FAT3: variants seen among roughly 807,000 people sequenced by gnomAD.
FAT3 encodes the protein FAT atypical cadherin 3.
Under a neutral mutation model 310.2 loss-of-function variants are expected in FAT3, and 95 were observed. The ratio of observed to expected loss-of-function variants is 0.31; its 90% confidence interval spans 0.26 to 0.36. The LOEUF is 0.36. FAT3 is among the 10% of genes least tolerant of loss of function. The pLI is 1.00. For synonymous variants in FAT3, 2,314 were observed against 2,192.9 expected (o/e 1.06, Z -1.54); for missense variants, 5,408 against 5,715.6 (o/e 0.95, Z 1.74).
intron 19 of FAT3, among the ~76,000 whole-genome samples, chr11:92,854,561 G>A (rs1948921039): frequency 6.6e-6 from 1 of 152,170 alleles, no homozygotes; most frequent in Admixed American, 6.5e-5. Flanking sequence ...TAAAAGAAAG[G>A]GCCAAAACAT....
At chr11:92,395,531 G>A (rs1039730651) in intron 2 of FAT3, among the ~76,000 whole-genome samples, 1 of 151,458 alleles carries the variant, frequency 6.6e-6, no homozygotes, top group Non-Finnish European at 1.5e-5. Flanking sequence ...TTTTTTGCAT[G>A]CCTTCTTTTT....
At chr11:92,268,494 G>T (rs564431439) in intron 1 of FAT3, among the ~76,000 whole-genome samples, 1 of 150,868 alleles carries the variant, frequency 6.6e-6, no homozygotes, top group African/African-American at 2.4e-5. Context: ...ATTTTTAAAA[G>T]ATAAAAATAA....
chr11:92,666,217 T>C (rs1942944067), intron 3 of FAT3, among the ~76,000 whole-genome samples: 2 of 152,148 alleles, frequency 1.3e-5, no homozygotes, highest in South Asian at 4.1e-4. Flanking sequence ...ACATCAAGCT[T>C]GAGAGGAGTC....
chr11:92,448,524 G>A (rs1427319089), intron 2 of FAT3, among the ~76,000 whole-genome samples: 1 of 152,118 alleles, frequency 6.6e-6, no homozygotes, highest in African/African-American at 2.4e-5. Context: ...ATTATAATAA[G>A]CATGGGTTAG....
chr11:92,888,429 T>A (rs1949843896), intron 25 of FAT3, among the ~76,000 whole-genome samples: 1 of 152,184 alleles, frequency 6.6e-6, no homozygotes, highest in African/African-American at 2.4e-5. Context: ...TCTCATGGGC[T>A]CTGCTGTGTG....
chr11:92,336,452 C>T (rs956197463), intron 1 of FAT3: 10 of 306,890 alleles, frequency 3.3e-5, no homozygotes, highest in Non-Finnish European at 5.1e-5. Flanking sequence ...TCACCACTGC[C>T]GCCAAAAGAC....
chr11:92,408,628 G>A (rs1227103242), intron 2 of FAT3, among the ~76,000 whole-genome samples: 4 of 152,302 alleles, frequency 2.6e-5, no homozygotes, highest in East Asian at 1.9e-4. Flanking sequence ...TGTTCAGGCT[G>A]GGTTCCAGGT....
chr11:92,866,493 G>A (rs949459102), intron 21 of FAT3, among the ~76,000 whole-genome samples: 2 of 152,098 alleles, frequency 1.3e-5, no homozygotes, highest in African/African-American at 2.4e-5. Flanking sequence ...ATATAATTGT[G>A]GATATATGAA....
At chr11:92,685,761 T>C (rs926875150) in intron 3 of FAT3, among the ~76,000 whole-genome samples, 5 of 152,012 alleles carry the variant, frequency 3.3e-5, no homozygotes, top group Non-Finnish European at 7.4e-5. Context: ...AAAAATATGG[T>C]TGCCCTGGAG....
intron 3 of FAT3, among the ~76,000 whole-genome samples, chr11:92,638,401 C>A (rs755323635): frequency 2.6e-5 from 4 of 152,146 alleles, no homozygotes; most frequent in African/African-American, 4.8e-5. Context: ...GCTAAGATCT[C>A]CAGTGTATTC....
Position 92,892,140 on chromosome 11 carries a change from A to G in FAT3, c.*1027A>G, listed in dbSNP as rs1949929141. 6.6e-6 allele frequency: 1 copy of G among 152,186 alleles called. No homozygotes were observed. Among genetic ancestry groups the G allele is most frequent in the African/African-American group, 2.4e-5 (1 of 41,442 alleles). 9.4% of individuals were successfully genotyped at this position (152,186 alleles called of 1,614,324 possible). ...TTATAAATACAATTATGTTAAGAAA[A>G]GAGGAAAGTAGACTAGTTATTGTGT... On this transcript the variant is annotated 3_prime_UTR_variant, in exon 28 of 28. Coordinates refer to ENST00000525166, the MANE Select transcript of FAT3 (RefSeq NM_001367949.2).
intron 1 of FAT3, among the ~76,000 whole-genome samples, chr11:92,230,200 C>G (rs1189239578): frequency 6.6e-6 from 1 of 151,656 alleles, no homozygotes; most frequent in Non-Finnish European, 1.5e-5. Flanking sequence ...AAATATATCC[C>G]TTTTTAAAAT....
At chr11:92,635,010 T>G (rs1207451773) in intron 3 of FAT3, among the ~76,000 whole-genome samples, 1 of 152,086 alleles carries the variant, frequency 6.6e-6, no homozygotes, top group Non-Finnish European at 1.5e-5. Flanking sequence ...AGAGAGCCCT[T>G]ATTAGAAACT....
At chr11:92,450,924 G>T (rs991524484) in intron 2 of FAT3, among the ~76,000 whole-genome samples, 5 of 152,132 alleles carry the variant, frequency 3.3e-5, no homozygotes, top group African/African-American at 1.2e-4. Flanking sequence ...TAGAAATCAA[G>T]AAGTTTTAAA....
rs762824037 is a variant in FAT3 at position 92,800,435 on chromosome 11, G to C, written c.7422G>C (p.Gly2474=). ...GTCTCAATGTGTCTGTCTCTGATGG[G>C]TTGTTCACCAGCACTGCACAGGTGC... ...LYSLNVSVSD[G]LFTSTAQVHI... Residue 2474 remains glycine (G), a synonymous_variant, in exon 10 of 28, where the codon GGG becomes GGC. Transcript: ENST00000525166. 4 of 1,613,890 alleles carry C rather than the reference G, an allele frequency of 2.5e-6. No individual in the cohort carries two copies. Among genetic ancestry groups the C allele is most frequent in the Non-Finnish European group, 2.5e-6 (3 of 1,179,888 alleles).
At chr11:92,598,203 T>C (rs1055401068) in intron 3 of FAT3, among the ~76,000 whole-genome samples, 2 of 130,964 alleles carry the variant, frequency 1.5e-5, no homozygotes, top group South Asian at 4.6e-4. Flanking sequence ...TGTATATAAA[T>C]ATATATGTAT....
At chr11:92,235,768 T>C (rs772132797) in intron 1 of FAT3, among the ~76,000 whole-genome samples, 11 of 152,238 alleles carry the variant, frequency 7.2e-5, no homozygotes, top group Non-Finnish European at 5.9e-5. Flanking sequence ...ATGCTCTTTA[T>C]TGGCTGATCT....
intron 1 of FAT3, among the ~76,000 whole-genome samples, chr11:92,321,485 A>G (rs1269655602): frequency 6.6e-6 from 1 of 152,112 alleles, no homozygotes; most frequent in Non-Finnish European, 1.5e-5. Context: ...ACTCTAGATT[A>G]TTAATTTATT....
chr11:92,393,189 T>G (rs1338467398), intron 2 of FAT3, among the ~76,000 whole-genome samples: 1 of 152,136 alleles, frequency 6.6e-6, no homozygotes, highest in Non-Finnish European at 1.5e-5. Context: ...AAGAGACCTA[T>G]GGAAGGCAGA....
Sources: allele counts gnomAD v4.1 joint callset (sites outside exome capture counted in the v4.1 genomes callset), GRCh38; gene constraint gnomAD v4.1.1; transcripts MANE v1.5; gene names NCBI Gene and HGNC (gene_info 2026-07-23, HGNC 2026-07-21).